The following ZP3 variants were observed in gnomAD, a reference collection of about 807,000 sequenced individuals.
ZP3 encodes zona pellucida glycoprotein 3.
ZP3 carries 21 observed loss-of-function variants against 35.6 expected under a neutral mutation model. That is an observed-to-expected ratio of 0.59 (90% confidence interval 0.42 to 0.85). The LOEUF is 0.85. Among genes scored for constraint, ZP3 ranks in the 40% least tolerant of loss-of-function variants. The pLI is 0.00. For missense variants in ZP3, 437 were observed against 536.5 expected, an observed-to-expected ratio of 0.81 and a Z score of 1.83; for synonymous variants, 207 against 214.5, an observed-to-expected ratio of 0.96 and a Z score of 0.31.
intron 1 of ZP3, among the ~76,000 whole-genome samples, chr7:76,419,456 T>C (rs1297832819): frequency 6.6e-6 from 1 of 152,188 alleles, no homozygotes; most frequent in Non-Finnish European, 1.5e-5. Context: ...GGTATCATGT[T>C]TCCACATATG....
exon 1 of ZP3, chr7:76,397,632 G>A: frequency 6.2e-7 from 1 of 1,613,594 alleles, no homozygotes; most frequent in Non-Finnish European, 8.5e-7. Context: ...TTGTCCAGCA[G>A]GATGTGTCCG....
chr7:76,406,700 A>G (rs1805045691), intron 1 of ZP3, among the ~76,000 whole-genome samples: 1 of 150,766 alleles, frequency 6.6e-6, no homozygotes, highest in Non-Finnish European at 1.5e-5. Context: ...GTGCTGTGTT[A>G]CTCAGGCTGG....
At chr7:76,423,266 C>T (rs1443821544), upstream of ZP3, among the ~76,000 whole-genome samples, 2 of 151,634 alleles carry the variant, frequency 1.3e-5, no homozygotes. Flanking sequence ...AGAGATTTTT[C>T]TATCTGACTC....
intron 5 of ZP3, among the ~76,000 whole-genome samples, chr7:76,436,949 C>T (rs1541454): frequency 0.58 from 85,627 of 147,346 alleles, 22,130 homozygotes; most frequent in African/African-American, 0.68. Flanking sequence ...CTTGGAGGGC[C>T]CCCCTTCAAA....
intron 5 of ZP3, among the ~76,000 whole-genome samples, chr7:76,437,190 T>TTC (rs1262376843): frequency 1.3e-3 from 180 of 136,996 alleles, no homozygotes; most frequent in South Asian, 1.0e-2. Context: ...TTTTTTTTTT[T>TTC]TTTTGGACAG....
chr7:76,426,177 TG>T (rs1243680580), intron 1 of ZP3, among the ~76,000 whole-genome samples: 1 of 151,674 alleles, frequency 6.6e-6, no homozygotes, highest in Non-Finnish European at 1.5e-5. Flanking sequence ...AGTGGGTCCC[TG>T]GGGGCAGCTC....
intron 1 of ZP3, chr7:76,398,920 A>G: frequency 1.1e-6 from 1 of 945,986 alleles, no homozygotes; most frequent in Non-Finnish European, 1.6e-6. Context: ...GGCCACACAA[A>G]GAGTCACAGC....
chr7:76,426,231 C>T (rs575025390), intron 1 of ZP3, among the ~76,000 whole-genome samples: 14 of 152,244 alleles, frequency 9.2e-5, no homozygotes, highest in South Asian at 4.1e-4. Context: ...AGGAAAAGAC[C>T]AAGAAATCCA....
chr7:76,402,437 C>T (rs2115791638), intron 1 of ZP3, among the ~76,000 whole-genome samples: 1 of 152,214 alleles, frequency 6.6e-6, no homozygotes, highest in South Asian at 2.1e-4. Context: ...CTGCCTCAGC[C>T]TCCCAAAGTG....
chr7:76,441,754 T>C (rs1806206982), intron 7 of ZP3, 88 bp from the exon 8 acceptor site: 3 of 1,289,478 alleles, frequency 2.3e-6, no homozygotes, highest in African/African-American at 1.5e-5. Flanking sequence ...AACATATTAG[T>C]TTAGCCCACT....
chr7:76,427,274 T>G (rs889072820), intron 1 of ZP3, among the ~76,000 whole-genome samples: 1 of 152,122 alleles, frequency 6.6e-6, no homozygotes, highest in Non-Finnish European at 1.5e-5. Context: ...CCCAGCACTT[T>G]GGGAGGCCGA....
intron 1 of ZP3, among the ~76,000 whole-genome samples, chr7:76,407,794 C>G (rs911873930): frequency 6.6e-6 from 1 of 152,164 alleles, no homozygotes; most frequent in African/African-American, 2.4e-5. Context: ...GCATTCACAC[C>G]ATGTAACCAG....
intron 2 of ZP3, among the ~76,000 whole-genome samples, chr7:76,431,586 G>T (rs572316898): frequency 2.8e-3 from 419 of 152,256 alleles, no homozygotes; most frequent in Non-Finnish European, 4.4e-3. Context: ...CAAGACCTAA[G>T]GGCCTGTCTT....
chr7:76,412,210 AAAAGAT>A (rs1805265089), intron 1 of ZP3, among the ~76,000 whole-genome samples: 1 of 151,824 alleles, frequency 6.6e-6, no homozygotes, highest in African/African-American at 2.4e-5. Flanking sequence ...AAAGAAAAGA[AAAAGAT>A]AAAAAAGGAA....
At chr7:76,412,321 G>T (rs1006078102) in intron 1 of ZP3, among the ~76,000 whole-genome samples, 3 of 152,042 alleles carry the variant, frequency 2.0e-5, no homozygotes, top group Admixed American at 6.6e-5. Context: ...GTATGATTCC[G>T]TTTATAAAAC....
chr7:76,438,055 C>G (rs2115940094), intron 5 of ZP3, among the ~76,000 whole-genome samples: 1 of 152,372 alleles, frequency 6.6e-6, no homozygotes, highest in South Asian at 2.1e-4. Context: ...TACTTGGCCA[C>G]TAGGTGGTGA....
At chr7:76,436,015 C>T (rs1465101312) in intron 5 of ZP3, among the ~76,000 whole-genome samples, 19 of 140,570 alleles carry the variant, frequency 1.4e-4, no homozygotes, top group Non-Finnish European at 2.4e-4. Flanking sequence ...TGAACCACCA[C>T]GCGCCCCCCG....
intron 1 of ZP3, among the ~76,000 whole-genome samples, chr7:76,419,428 C>T (rs1805452953): frequency 6.6e-6 from 1 of 152,000 alleles, no homozygotes; most frequent in Non-Finnish European, 1.5e-5. Context: ...TTGAAGAGTC[C>T]ATCTGTTTCC....
rs187020096 is a variant in ZP3, at chr7:76,433,779, A to C, written c.713+132A>C. The C allele has an allele frequency of 4.4e-4, 492 of 1,113,492 alleles. 5 individuals carry two copies. The African/African-American group carries it at 7.2e-3, about 16-fold the overall frequency. 69.0% of individuals were successfully genotyped at this position (1,113,492 alleles called of 1,614,324 possible). On this transcript the variant is annotated intron_variant, in intron 4 of 7. Transcript: ENST00000394857. ...AGAGGCTTGATCTCTGCCCTCTGCA[A>C]CCTCTGCCTCCCAGGTTTAAGTGAT...
Sources: allele counts gnomAD v4.1 joint callset (sites outside exome capture counted in the v4.1 genomes callset), GRCh38; gene constraint gnomAD v4.1.1; transcripts MANE v1.5; gene names NCBI Gene and HGNC (gene_info 2026-07-23, HGNC 2026-07-21).